HS3ST4: variants seen among roughly 807,000 people sequenced by gnomAD.
HS3ST4 encodes the protein heparan sulfate-glucosamine 3-sulfotransferase 4, also known as heparan sulfate glucosamine 3-O-sulfotransferase 4.
In HS3ST4, 17 loss-of-function variants were observed where a neutral mutation model predicts 29.2. The ratio of observed to expected loss-of-function variants is 0.58; its 90% CI spans 0.40 to 0.87. The LOEUF is 0.87. Among genes scored for constraint, HS3ST4 ranks in the 40% least tolerant of loss-of-function variants. The pLI is 0.00. For missense variants in HS3ST4, 627 were observed against 634.5 expected, an observed-to-expected ratio of 0.99 and a Z score of 0.13; for synonymous variants, 314 against 285.7, an observed-to-expected ratio of 1.10 and a Z score of -1.00.
chr16:25,735,694 G>C (rs903518279), intron 1 of HS3ST4, among the ~76,000 whole-genome samples: 1 of 152,124 alleles, frequency 6.6e-6, no homozygotes, highest in Non-Finnish European at 1.5e-5. Flanking sequence ...GCCCAGCCCA[G>C]GTATACTTTT....
chr16:25,900,768 G>A (rs1362206740), intron 1 of HS3ST4, among the ~76,000 whole-genome samples: 1 of 152,074 alleles, frequency 6.6e-6, no homozygotes, highest in African/African-American at 2.4e-5. Context: ...CAAACTCCCG[G>A]CACTGTAACA....
intron 1 of HS3ST4, among the ~76,000 whole-genome samples, chr16:25,832,717 G>C (rs1343106594): frequency 6.6e-6 from 1 of 152,044 alleles, no homozygotes; most frequent in African/African-American, 2.4e-5. Context: ...ATAAACAGTG[G>C]GCAATTTCTT....
intron 1 of HS3ST4, among the ~76,000 whole-genome samples, chr16:25,978,936 C>CT (rs1183206964): frequency 1.8e-5 from 1 of 57,022 alleles, no homozygotes; most frequent in African/African-American, 7.0e-5. Flanking sequence ...TGTTCTTTCT[C>CT]TTTTTGTTTT....
chr16:25,803,521 C>T (rs145668785), intron 1 of HS3ST4, among the ~76,000 whole-genome samples: 2 of 152,170 alleles, frequency 1.3e-5, no homozygotes, highest in East Asian at 3.9e-4. Flanking sequence ...ACTTGTCTTC[C>T]CCCAAAATGA....
intron 1 of HS3ST4, among the ~76,000 whole-genome samples, chr16:26,061,623 C>T (rs937659782): frequency 6.6e-6 from 1 of 152,176 alleles, no homozygotes; most frequent in Non-Finnish European, 1.5e-5. Flanking sequence ...TCTGACCAAA[C>T]TAGTCTAAGT....
chr16:25,779,670 T>G (rs1418480078), intron 1 of HS3ST4, among the ~76,000 whole-genome samples: 14 of 152,366 alleles, frequency 9.2e-5, no homozygotes, highest in African/African-American at 3.4e-4. Context: ...TTCTTGAGCT[T>G]CTCAGAGCAG....
chr16:25,924,352 A>C (rs986999199), intron 1 of HS3ST4, among the ~76,000 whole-genome samples: 1 of 152,214 alleles, frequency 6.6e-6, no homozygotes, highest in Non-Finnish European at 1.5e-5. Flanking sequence ...AGATGGAAAC[A>C]GCCTTTCATC....
chr16:25,945,615 C>T (rs1032837323), intron 1 of HS3ST4, among the ~76,000 whole-genome samples: 2 of 152,304 alleles, frequency 1.3e-5, no homozygotes, highest in African/African-American at 4.8e-5. Flanking sequence ...GCAATGTCCT[C>T]GCCAACTTTT....
chr16:25,994,016 G>C (rs1596638566), intron 1 of HS3ST4, among the ~76,000 whole-genome samples: 2 of 150,814 alleles, frequency 1.3e-5, no homozygotes, highest in East Asian at 3.9e-4. Flanking sequence ...GTGGTGGAGA[G>C]AGAGAGAGAG....
At chr16:25,703,347 A>G (rs538346075) in intron 1 of HS3ST4, among the ~76,000 whole-genome samples, 1 of 152,138 alleles carries the variant, frequency 6.6e-6, no homozygotes, top group African/African-American at 2.4e-5. Flanking sequence ...CTGGTGGTAG[A>G]TGATATTGTA....
chr16:26,013,405 G>A (rs544948323), intron 1 of HS3ST4, among the ~76,000 whole-genome samples: 3 of 152,038 alleles, frequency 2.0e-5, no homozygotes, highest in African/African-American at 7.2e-5. Context: ...AGCTCAAGAG[G>A]TTGTTATGAG....
At chr16:25,790,135 C>T (rs1272484893) in intron 1 of HS3ST4, among the ~76,000 whole-genome samples, 1 of 152,104 alleles carries the variant, frequency 6.6e-6, no homozygotes, top group Non-Finnish European at 1.5e-5. Context: ...TGGCTGGATG[C>T]CATGGTTCAT....
chr16:25,937,603 G>T (rs1287037218), intron 1 of HS3ST4, among the ~76,000 whole-genome samples: 1 of 152,096 alleles, frequency 6.6e-6, no homozygotes, highest in East Asian at 1.9e-4. Flanking sequence ...GTGTCCTGGC[G>T]AGAGGTGCAG....
chr16:25,711,773 C>T (rs1331330170), intron 1 of HS3ST4, among the ~76,000 whole-genome samples: 2 of 152,136 alleles, frequency 1.3e-5, no homozygotes, highest in African/African-American at 2.4e-5. Context: ...CGAAGCCTTT[C>T]TCCTCGCTGT....
At chr16:25,760,423 GTT>G (rs386384530) in intron 1 of HS3ST4, among the ~76,000 whole-genome samples, 2 of 139,446 alleles carry the variant, frequency 1.4e-5, no homozygotes, top group Non-Finnish European at 3.1e-5. Flanking sequence ...ATGACTCCAT[GTT>G]TTTTTTTTTT....
intron 1 of HS3ST4, among the ~76,000 whole-genome samples, chr16:26,129,768 G>A (rs1409480331): frequency 6.6e-6 from 1 of 152,162 alleles, no homozygotes; most frequent in African/African-American, 2.4e-5. Context: ...CTACTGGGCT[G>A]GTGAGTCCAA....
At chr16:26,055,869 T>G (rs1898400090) in intron 1 of HS3ST4, among the ~76,000 whole-genome samples, 1 of 152,176 alleles carries the variant, frequency 6.6e-6, no homozygotes, top group Admixed American at 6.5e-5. Context: ...ATTTGGGCAG[T>G]GAAGCTTTGC....
chr16:26,105,688 C>T (rs1899046409), intron 1 of HS3ST4, among the ~76,000 whole-genome samples: 1 of 152,242 alleles, frequency 6.6e-6, no homozygotes, highest in East Asian at 1.9e-4. Context: ...CTAACCTCTC[C>T]CTGGTCCTTG....
chr16:25,865,699 G>A (rs1596595856), intron 1 of HS3ST4, among the ~76,000 whole-genome samples: 1 of 152,152 alleles, frequency 6.6e-6, no homozygotes, highest in Non-Finnish European at 1.5e-5. Flanking sequence ...CCTTGACAAA[G>A]TTGCCAAGAC....
Sources: allele counts gnomAD v4.1 joint callset (sites outside exome capture counted in the v4.1 genomes callset), GRCh38; gene constraint gnomAD v4.1.1; transcripts MANE v1.5; gene names NCBI Gene and HGNC (gene_info 2026-07-23, HGNC 2026-07-21).